KCNIP4: variants seen among roughly 807,000 people sequenced by gnomAD.
KCNIP4 encodes the protein Kv channel-interacting protein 4.
KCNIP4 carries 12 observed loss-of-function variants against 34.0 expected under a neutral mutation model. That is an observed-to-expected ratio of 0.35 (90% CI 0.23 to 0.57). KCNIP4 has a LOEUF of 0.57. KCNIP4 is among the 20% of genes least tolerant of loss of function. The pLI, the probability that KCNIP4 is intolerant of heterozygous loss-of-function variation, is 0.83. For synonymous variants in KCNIP4, 124 were observed against 102.2 expected, an observed-to-expected ratio of 1.21 and a Z score of -1.29; for missense variants, 238 against 311.7, an observed-to-expected ratio of 0.76 and a Z score of 1.78.
chr4:21,612,372 G>A (rs1255909434), intron 1 of KCNIP4, among the ~76,000 whole-genome samples: 1 of 152,208 alleles, frequency 6.6e-6, no homozygotes, highest in Non-Finnish European at 1.5e-5. Flanking sequence ...ATATACTCAG[G>A]AGGCTGAGGC....
At chr4:21,719,200 A>C (rs1029064965) in intron 1 of KCNIP4, among the ~76,000 whole-genome samples, 14 of 152,232 alleles carry the variant, frequency 9.2e-5, no homozygotes, top group African/African-American at 2.2e-4. Context: ...TAAGACAGAA[A>C]GTAAGTAAGG....
chr4:21,596,672 C>T (rs1293477747), intron 1 of KCNIP4, among the ~76,000 whole-genome samples: 3 of 152,086 alleles, frequency 2.0e-5, no homozygotes, highest in Non-Finnish European at 1.5e-5. Flanking sequence ...GTTATTGATG[C>T]TATTTATAAC....
intron 1 of KCNIP4, among the ~76,000 whole-genome samples, chr4:21,211,602 T>C (rs1291295206): frequency 1.3e-5 from 2 of 152,038 alleles, no homozygotes; most frequent in African/African-American, 4.8e-5. Flanking sequence ...AACCGATTGG[T>C]CCCTGCTGCC....
chr4:21,501,244 TCTC>T (rs1733306195), intron 1 of KCNIP4, among the ~76,000 whole-genome samples: 49 of 142,452 alleles, frequency 3.4e-4, no homozygotes, highest in African/African-American at 1.3e-3. Context: ...TCTCTCTCTC[TCTC>T]TCACACACAC....
At chr4:21,711,112 A>G (rs1375973041) in intron 1 of KCNIP4, among the ~76,000 whole-genome samples, 1 of 152,196 alleles carries the variant, frequency 6.6e-6, no homozygotes, top group Non-Finnish European at 1.5e-5. Context: ...TACATTCTCT[A>G]TGGGGTAGAT....
At chr4:21,356,926 G>C (rs150615042) in intron 1 of KCNIP4, among the ~76,000 whole-genome samples, 6 of 152,082 alleles carry the variant, frequency 3.9e-5, no homozygotes, top group Admixed American at 1.3e-4. Flanking sequence ...ATACTACAAG[G>C]CTATAGTAAC....
intron 1 of KCNIP4, among the ~76,000 whole-genome samples, chr4:21,888,887 C>T (rs1410740402): frequency 1.3e-5 from 2 of 152,100 alleles, no homozygotes; most frequent in Admixed American, 6.6e-5. Context: ...ACATGGATCA[C>T]CTGTCAAGTT....
chr4:21,691,839 C>T (rs1377168015), intron 1 of KCNIP4, among the ~76,000 whole-genome samples: 1 of 151,946 alleles, frequency 6.6e-6, no homozygotes, highest in Admixed American at 6.6e-5. Flanking sequence ...GCTGGGACTA[C>T]AGGCACCCGC....
intron 3 of KCNIP4, among the ~76,000 whole-genome samples, chr4:20,837,848 A>ATTTTT (rs34976488): frequency 1.4e-4 from 20 of 143,620 alleles, no homozygotes; most frequent in African/African-American, 5.1e-4. Context: ...TGCCCAGCAA[A>ATTTTT]TTTTTTTTTT....
chr4:20,729,457 T>C lies in KCNIP4; in HGVS notation c.*625A>G, dbSNP rs1368445467. The C allele has an allele frequency of 2.0e-5, 3 of 151,940 alleles. No homozygotes were observed. The South Asian group carries it at 6.2e-4, about 32-fold the overall frequency. 9.4% of individuals were successfully genotyped at this position (151,940 alleles called of 1,614,324 possible). On this transcript the variant is annotated 3_prime_UTR_variant, in exon 9 of 9. Coordinates refer to ENST00000382152, the MANE Select transcript of KCNIP4 (RefSeq NM_025221.6). Reference sequence around the variant, plus strand: ...ATAAGTTTTATTAGGCATATGCTGATATCTGATAATAAACTAATTTTTAAA... The same window carrying C: ...ATAAGTTTTATTAGGCATATGCTGACATCTGATAATAAACTAATTTTTAAA...
intron 1 of KCNIP4, among the ~76,000 whole-genome samples, chr4:21,349,474 T>C (rs1717786907): frequency 6.6e-6 from 1 of 152,170 alleles, no homozygotes; most frequent in Admixed American, 6.6e-5. Flanking sequence ...TCTACTAGTA[T>C]AGTGCATGCA....
At chr4:20,767,852 A>C (rs566636648) in intron 3 of KCNIP4, among the ~76,000 whole-genome samples, 9 of 152,348 alleles carry the variant, frequency 5.9e-5, no homozygotes, top group African/African-American at 2.2e-4. Context: ...GTGCTTGTGA[A>C]ATAGTTATTT....
chr4:21,196,232 G>A (rs887316081), intron 1 of KCNIP4, among the ~76,000 whole-genome samples: 1 of 152,128 alleles, frequency 6.6e-6, no homozygotes, highest in African/African-American at 2.4e-5. Context: ...TGGCAATAAT[G>A]GCATGTTTCA....
chr4:20,791,959 A>G (rs1355765910), intron 3 of KCNIP4, among the ~76,000 whole-genome samples: 1 of 152,200 alleles, frequency 6.6e-6, no homozygotes, highest in Non-Finnish European at 1.5e-5. Flanking sequence ...TACCCTGCCC[A>G]TATTGGACCT....
intron 1 of KCNIP4, among the ~76,000 whole-genome samples, chr4:21,861,652 G>T: frequency 4.4e-5 from 1 of 22,582 alleles, no homozygotes; most frequent in Admixed American, 4.9e-4. Flanking sequence ...GTGAGACTCC[G>T]TCTCAAAAAA....
intron 1 of KCNIP4, among the ~76,000 whole-genome samples, chr4:20,917,730 T>A (rs751006590): frequency 6.6e-6 from 1 of 152,158 alleles, no homozygotes; most frequent in Non-Finnish European, 1.5e-5. Context: ...TGGTGGCTCA[T>A]GCCTGTAATC....
chr4:20,897,076 G>T (rs1265656890), intron 1 of KCNIP4, among the ~76,000 whole-genome samples: 1 of 152,056 alleles, frequency 6.6e-6, no homozygotes, highest in Non-Finnish European at 1.5e-5. Flanking sequence ...TATCAGTTGA[G>T]GCTGAGCATT....
intron 1 of KCNIP4, among the ~76,000 whole-genome samples, chr4:21,348,876 G>A (rs117892127): frequency 6.6e-6 from 1 of 152,274 alleles, no homozygotes; most frequent in East Asian, 1.9e-4. Context: ...GGTTGAAGGA[G>A]TCAGAAGGTC....
intron 1 of KCNIP4, among the ~76,000 whole-genome samples, chr4:21,570,262 C>T (rs137859042): frequency 2.0e-5 from 3 of 152,172 alleles, no homozygotes; most frequent in African/African-American, 4.8e-5. Flanking sequence ...TAATAGCCAA[C>T]AGGTAAAAGA....
Sources: allele counts gnomAD v4.1 joint callset (sites outside exome capture counted in the v4.1 genomes callset), GRCh38; gene constraint gnomAD v4.1.1; transcripts MANE v1.5; gene names NCBI Gene and HGNC (gene_info 2026-07-23, HGNC 2026-07-21).